Variants in LRBA observed in about 807,000 individuals in gnomAD.
LRBA encodes LPS responsive beige-like anchor protein.
In LRBA, 176 loss-of-function variants were observed where a neutral mutation model predicts 330.0. The ratio of observed to expected loss-of-function variants is 0.53; its 90% CI spans 0.47 to 0.60. The LOEUF (loss-of-function observed/expected upper bound fraction) is 0.60, where lower values mean the gene tolerates loss of function less well. LRBA is among the 20% of genes least tolerant of loss of function. LRBA has a pLI of 0.00. For missense variants in LRBA, 3,259 were observed against 3,444.8 expected (o/e 0.95, Z 1.35); for synonymous variants, 1,230 against 1,193.0 (o/e 1.03, Z -0.64).
At chr4:150,999,657 T>G (rs1045317534) in intron 2 of LRBA, among the ~76,000 whole-genome samples, 1 of 151,828 alleles carries the variant, frequency 6.6e-6, no homozygotes, top group Non-Finnish European at 1.5e-5. Context: ...GAAGTCCAAA[T>G]TTACACTACT....
chr4:150,673,915 G>A (rs1240832946), intron 37 of LRBA, among the ~76,000 whole-genome samples: 1 of 152,124 alleles, frequency 6.6e-6, no homozygotes, highest in Admixed American at 6.5e-5. Context: ...TTATAGGGAG[G>A]CTGGACAATG....
At chr4:150,505,341 C>T (rs200131738) in intron 40 of LRBA, among the ~76,000 whole-genome samples, 21,598 of 151,962 alleles carry the variant, frequency 0.14, 1,506 homozygotes, top group Middle Eastern at 0.18. Context: ...TAAAGCACTC[C>T]TCAGCAAATG....
chr4:150,435,608 C>A lies in LRBA; in HGVS notation c.7022G>T (p.Arg2341Leu), dbSNP rs371873204. 1.2e-6 allele frequency: 2 copies of A among 1,612,740 alleles called. No individual in the cohort carries two copies. Among genetic ancestry groups the A allele is most frequent in the Middle Eastern group, 3.3e-4 (2 of 6,026 alleles). ...SISRAWRNSQ[R>L]DTSDIKELIP... ...CTGTACCTTAATATCAGAGGTATCA[C>A]GCTGACTGTTTCGCCAAGCTCTGGA... Residue 2341 changes from arginine (R) to leucine (L), a missense_variant, in exon 46 of 57, where the codon CGT (arginine) becomes CTT (leucine). Physicochemically the swap from Arg to Leu is moderately radical, Grantham distance 102. Coordinates refer to ENST00000651943, the MANE Select transcript of LRBA (RefSeq NM_001364905.1).
intron 29 of LRBA, 137 bp downstream of exon 29, chr4:150,831,680 A>T (rs757028967): frequency 7.4e-6 from 4 of 541,152 alleles, no homozygotes; most frequent in Non-Finnish European, 1.2e-5. Context: ...ACTTTTAGTT[A>T]ATAATAAAAA....
chr4:150,892,400 T>C (rs775426196), intron 17 of LRBA, among the ~76,000 whole-genome samples: 26 of 152,118 alleles, frequency 1.7e-4, no homozygotes, highest in African/African-American at 5.6e-4. Context: ...CCTAATCCAA[T>C]AGGAGTAACG....
chr4:150,980,245 G>A lies in LRBA; in HGVS notation c.216+34182C>T, dbSNP rs138265966. ...AAACAACAAGATCATTTCAACTGAT[G>A]CTGAAAAAGCATTTGACAAAATTCA... On this transcript the variant is annotated intron_variant, in intron 2 of 56. Transcript: ENST00000651943. Among the ~76,000 whole-genome samples, 38 of 152,240 alleles carry A rather than the reference G, an allele frequency of 2.5e-4. No individual in the cohort carries two copies. In the East Asian group the frequency reaches 5.6e-3, roughly 22 times the overall value.
chr4:150,712,992 A>T (rs1354447304), intron 36 of LRBA, among the ~76,000 whole-genome samples: 3 of 152,144 alleles, frequency 2.0e-5, no homozygotes, highest in Admixed American at 2.0e-4. Flanking sequence ...GCCATGGTAC[A>T]GTGGCCCGAT....
chr4:150,924,488 G>T (rs1407769323), intron 4 of LRBA, among the ~76,000 whole-genome samples: 1 of 151,908 alleles, frequency 6.6e-6, no homozygotes, highest in African/African-American at 2.4e-5. Flanking sequence ...CTCCAACCTG[G>T]GTAACAGAGC....
intron 40 of LRBA, among the ~76,000 whole-genome samples, chr4:150,523,415 C>T (rs758630534): frequency 3.4e-4 from 51 of 152,006 alleles, no homozygotes; most frequent in Non-Finnish European, 5.9e-4. Flanking sequence ...CAAGGTGCCA[C>T]GATGGAAGCA....
intron 37 of LRBA, among the ~76,000 whole-genome samples, chr4:150,605,848 G>A (rs1469362089): frequency 6.6e-6 from 1 of 152,102 alleles, no homozygotes; most frequent in East Asian, 1.9e-4. Context: ...ATCAAGGGCA[G>A]CTGATCTATG....
intron 37 of LRBA, among the ~76,000 whole-genome samples, chr4:150,678,038 G>A (rs1202250013): frequency 3.3e-5 from 5 of 151,838 alleles, no homozygotes; most frequent in Non-Finnish European, 2.9e-5. Flanking sequence ...TCAGGAGTTC[G>A]AGACCAGCCT....
chr4:150,813,752 G>T (rs756033664), intron 31 of LRBA, among the ~76,000 whole-genome samples: 1 of 151,956 alleles, frequency 6.6e-6, no homozygotes, highest in Admixed American at 6.6e-5. Flanking sequence ...GATATCATGT[G>T]AATATATAAC....
intron 47 of LRBA, among the ~76,000 whole-genome samples, chr4:150,390,432 A>G (rs925432878): frequency 6.6e-6 from 1 of 152,182 alleles, no homozygotes; most frequent in Non-Finnish European, 1.5e-5. Flanking sequence ...CTATGCTCTG[A>G]TAACTGCCAG....
chr4:150,369,561 C>T (rs1336428389), intron 47 of LRBA, among the ~76,000 whole-genome samples: 6 of 151,418 alleles, frequency 4.0e-5, no homozygotes, highest in Admixed American at 3.9e-4. Context: ...TTTTTTAGAC[C>T]AAACACCTTT....
chr4:150,663,910 G>A (rs1372933736), intron 37 of LRBA, among the ~76,000 whole-genome samples: 3 of 152,142 alleles, frequency 2.0e-5, no homozygotes, highest in Non-Finnish European at 4.4e-5. Context: ...GAAGGATTCT[G>A]AAAGACAAAT....
chr4:150,849,695 T>C (rs1371737050), intron 24 of LRBA, 120 bp from the exon 25 acceptor site: 1 of 736,046 alleles, frequency 1.4e-6, no homozygotes, highest in Admixed American at 2.3e-5. Context: ...TGAAGGAAGA[T>C]GATGCAGCAG....
chr4:150,348,408 G>C (rs535470478), intron 48 of LRBA, among the ~76,000 whole-genome samples: 6 of 152,276 alleles, frequency 3.9e-5, no homozygotes, highest in African/African-American at 1.4e-4. Context: ...ATCTTGCATT[G>C]AGAGAAACAG....
At chr4:150,856,264 C>T (rs1280198251) in intron 22 of LRBA, among the ~76,000 whole-genome samples, 4 of 152,150 alleles carry the variant, frequency 2.6e-5, no homozygotes, top group Non-Finnish European at 5.9e-5. Flanking sequence ...TCCACCTCTC[C>T]TGAGTGAAAC....
chr4:150,974,373 T>C (rs1211159555), intron 2 of LRBA, among the ~76,000 whole-genome samples: 1 of 152,198 alleles, frequency 6.6e-6, no homozygotes, highest in Admixed American at 6.5e-5. Flanking sequence ...AATACTAAAC[T>C]GCATGGGCAT....
Sources: allele counts gnomAD v4.1 joint callset (sites outside exome capture counted in the v4.1 genomes callset), GRCh38; gene constraint gnomAD v4.1.1; transcripts MANE v1.5; gene names NCBI Gene and HGNC (gene_info 2026-07-23, HGNC 2026-07-21).